SREK1IP1: variants seen among roughly 807,000 people sequenced by gnomAD.
SREK1IP1 encodes the protein SREK1 interacting protein 1.
SREK1IP1 carries 12 observed loss-of-function variants against 22.8 expected under a neutral mutation model. That is an observed-to-expected ratio of 0.53 (90% CI 0.34 to 0.85). The LOEUF is 0.85. Ranked by LOEUF, SREK1IP1 falls within the 40% of genes least tolerant of loss-of-function variation. SREK1IP1 has a pLI of 0.02. For synonymous variants in SREK1IP1, 53 were observed against 52.7 expected (o/e 1.01, Z -0.02); for missense variants, 147 against 171.8 (o/e 0.86, Z 0.81).
In SREK1IP1 at chr5:64,724,041, G is replaced by A. The variant is rs1304551842; in HGVS notation, c.*343C>T. The A allele has an allele frequency of 5.7e-6, 1 of 174,688 alleles. No homozygotes were observed. The highest frequency in any genetic ancestry group is 2.4e-5 in the African/African-American group (1 of 42,274). The allele number at this position is 174,688 out of a possible 1,614,324, so 10.8% of individuals were successfully genotyped here. A position where few individuals can be genotyped will look rare whatever the true frequency, so the allele number is the denominator to read the frequency against. On this transcript the variant is annotated 3_prime_UTR_variant, in exon 5 of 5. Coordinates refer to ENST00000513458, the MANE Select transcript of SREK1IP1 (RefSeq NM_173829.4). ...AGCAATACTCATTAACTGCTAGGTA[G>A]ATGACCCATGTTGATGGCAGTAAAG...
At chr5:64,732,902 C>T (rs1406689325) in intron 3 of SREK1IP1, among the ~76,000 whole-genome samples, 2 of 149,624 alleles carry the variant, frequency 1.3e-5, no homozygotes, top group East Asian at 1.9e-4. Flanking sequence ...ACAAATAGAA[C>T]CAACTGATTT....
intron 4 of SREK1IP1, among the ~76,000 whole-genome samples, chr5:64,725,536 G>C (rs1742247695): frequency 6.6e-6 from 1 of 152,130 alleles, no homozygotes; most frequent in Non-Finnish European, 1.5e-5. Flanking sequence ...GGGCTCCAAG[G>C]CTATTTTGTG....
chr5:64,742,204 T>C (rs1742563637), intron 2 of SREK1IP1, among the ~76,000 whole-genome samples: 1 of 152,104 alleles, frequency 6.6e-6, no homozygotes, highest in Non-Finnish European at 1.5e-5. Flanking sequence ...TGTATGAAAA[T>C]TATATTTATT....
chr5:64,731,521 C>CAAAAAAAAAAAAAAAAAAAA (rs10599290), intron 3 of SREK1IP1, among the ~76,000 whole-genome samples: 4 of 74,684 alleles, frequency 5.4e-5, no homozygotes, highest in African/African-American at 1.6e-4. Context: ...GCCCTTGTCT[C>CAAAAAAAAAAAAAAAAAAAA]AAAAAAAAAA....
chr5:64,761,373 A>G (rs911434298), intron 1 of SREK1IP1, among the ~76,000 whole-genome samples: 5 of 152,210 alleles, frequency 3.3e-5, no homozygotes, highest in African/African-American at 1.2e-4. Context: ...TCATTTAATG[A>G]CAGGGATACA....
At chr5:64,730,234 T>C (rs79701160) in intron 3 of SREK1IP1, among the ~76,000 whole-genome samples, 5,616 of 152,120 alleles carry the variant, frequency 0.037, 360 homozygotes, top group African/African-American at 0.13. Context: ...CCAAGTAGAA[T>C]GTGGATATAA....
rs1289411927 is a variant in SREK1IP1 at position 64,768,554 on chromosome 5, T to A, written c.-37A>T. 1 of 1,614,048 alleles carries A rather than the reference T, an allele frequency of 6.2e-7. No homozygotes were observed. Among genetic ancestry groups the A allele is most frequent in the Non-Finnish European group, 8.5e-7 (1 of 1,179,986 alleles). On this transcript the variant is annotated 5_prime_UTR_variant, in exon 1 of 5. Transcript: ENST00000513458. ...GAGGGGTAACTCGAGCCTCTGGCTT[T>A]CGAAAAGGCGCTTGCTTCCCGCCAG... is the stretch of plus-strand genomic sequence containing the variant.
intron 1 of SREK1IP1, among the ~76,000 whole-genome samples, chr5:64,760,786 C>G (rs1561392789): frequency 6.6e-6 from 1 of 152,168 alleles, no homozygotes; most frequent in Non-Finnish European, 1.5e-5. Context: ...TTTCTTACCT[C>G]TTTCTTTAAT....
chr5:64,748,636 C>A (rs577754094), intron 2 of SREK1IP1, among the ~76,000 whole-genome samples: 3 of 152,204 alleles, frequency 2.0e-5, no homozygotes, highest in Admixed American at 2.0e-4. Flanking sequence ...GGAACAATAA[C>A]AAAAATAACA....
chr5:64,763,058 A>T (rs1580561068), intron 1 of SREK1IP1, among the ~76,000 whole-genome samples: 1 of 151,028 alleles, frequency 6.6e-6, no homozygotes, highest in Non-Finnish European at 1.5e-5. Context: ...TCTCCAAATA[A>T]ATATATATAT....
At chr5:64,728,721 T>C (rs1272277427) in intron 3 of SREK1IP1, among the ~76,000 whole-genome samples, 1 of 152,208 alleles carries the variant, frequency 6.6e-6, no homozygotes, top group Non-Finnish European at 1.5e-5. Context: ...TGCAGCTTTT[T>C]TTTCACTTAA....
rs548888868 is a variant in SREK1IP1 at position 64,768,654 on chromosome 5, G to C, written c.-137C>G. 10 of 1,214,232 alleles carry C rather than the reference G, an allele frequency of 8.2e-6. No individual in the cohort carries two copies. In the African/African-American group the frequency reaches 1.2e-4, roughly 14 times the overall value. The allele number at this position is 1,214,232 out of a possible 1,614,324, so 75.2% of individuals were successfully genotyped here. A position where few individuals can be genotyped will look rare whatever the true frequency, so the allele number is the denominator to read the frequency against. Reference sequence around the variant, plus strand: ...GCAGCACCCTCGCTACGGTCGGGAAGGGCCTGTACGCCTCTAGCGACGGCA... The same window carrying C: ...GCAGCACCCTCGCTACGGTCGGGAACGGCCTGTACGCCTCTAGCGACGGCA... On this transcript the variant is annotated 5_prime_UTR_variant, in exon 1 of 5. Coordinates refer to ENST00000513458, the MANE Select transcript of SREK1IP1 (RefSeq NM_173829.4).
At chr5:64,766,423 C>G (rs944832972) in intron 1 of SREK1IP1, among the ~76,000 whole-genome samples, 23 of 152,272 alleles carry the variant, frequency 1.5e-4, no homozygotes, top group African/African-American at 5.1e-4. Context: ...GACTCTACCA[C>G]CAAAAATGTA....
intron 3 of SREK1IP1, among the ~76,000 whole-genome samples, chr5:64,729,063 G>A (rs930749312): frequency 3.9e-5 from 6 of 152,128 alleles, no homozygotes; most frequent in Non-Finnish European, 8.8e-5. Context: ...GTGGCGGCAG[G>A]AGCCTGTACT....
At chr5:64,749,499 C>G (rs1298536401) in intron 2 of SREK1IP1, among the ~76,000 whole-genome samples, 1 of 151,834 alleles carries the variant, frequency 6.6e-6, no homozygotes, top group Admixed American at 6.6e-5. Flanking sequence ...TGCAGTGGCA[C>G]AATCTTAGCT....
At chr5:64,763,814 G>T (rs761100196) in intron 1 of SREK1IP1, among the ~76,000 whole-genome samples, 1 of 152,158 alleles carries the variant, frequency 6.6e-6, no homozygotes, top group Non-Finnish European at 1.5e-5. Context: ...GGGCCACACT[G>T]TTTTGGGCCA....
intron 1 of SREK1IP1, among the ~76,000 whole-genome samples, chr5:64,762,533 G>A (rs1742967286): frequency 6.6e-6 from 1 of 151,908 alleles, no homozygotes; most frequent in Non-Finnish European, 1.5e-5. Context: ...AAAATTCCAA[G>A]TATTTTATTT....
chr5:64,724,595 G>T, intron 4 of SREK1IP1, 22 bp from the exon 5 acceptor site: 1 of 1,474,750 alleles, frequency 6.8e-7, no homozygotes, highest in South Asian at 1.5e-5. Context: ...AATACATACT[G>T]ACTGAGAATT....
chr5:64,754,523 G>A (rs1291473953), intron 1 of SREK1IP1, 161 bp from the exon 2 acceptor site: 3 of 625,224 alleles, frequency 4.8e-6, no homozygotes, highest in East Asian at 2.9e-5. Flanking sequence ...AGAGTACACT[G>A]ACATGATCAC....
Sources: allele counts gnomAD v4.1 joint callset (sites outside exome capture counted in the v4.1 genomes callset), GRCh38; gene constraint gnomAD v4.1.1; transcripts MANE v1.5; gene names NCBI Gene and HGNC (gene_info 2026-07-23, HGNC 2026-07-21).